Variants in KCNQ5 observed in about 807,000 individuals in gnomAD.
KCNQ5 encodes potassium voltage-gated channel subfamily Q member 5.
Under a neutral mutation model 98.2 loss-of-function variants are expected in KCNQ5, and 30 were observed. That is an observed-to-expected ratio of 0.31 (90% CI 0.23 to 0.41). The LOEUF (loss-of-function observed/expected upper bound fraction) is 0.41. Among genes scored for constraint, KCNQ5 ranks in the 10% least tolerant of loss-of-function variants. The probability of loss-of-function intolerance (pLI) is 1.00; values close to 1 mark genes in which losing one functional copy is unlikely to be tolerated. For missense variants in KCNQ5, 835 were observed against 1,182.5 expected, an observed-to-expected ratio of 0.71 and a Z score of 4.31; for synonymous variants, 458 against 449.4, an observed-to-expected ratio of 1.02 and a Z score of -0.24.
intron 1 of KCNQ5, among the ~76,000 whole-genome samples, chr6:72,681,635 G>A (rs763525170): frequency 6.6e-6 from 1 of 152,180 alleles, no homozygotes; most frequent in Non-Finnish European, 1.5e-5. Context: ...GCCTCTGCAT[G>A]CATGCCCTAA....
At chr6:72,734,580 CT>C (rs1770729418) in intron 1 of KCNQ5, among the ~76,000 whole-genome samples, 1 of 152,056 alleles carries the variant, frequency 6.6e-6, no homozygotes, top group East Asian at 1.9e-4. Flanking sequence ...ATGTTTGAGA[CT>C]TTTATTTGTG....
chr6:73,025,333 A>G (rs555061293), intron 2 of KCNQ5, among the ~76,000 whole-genome samples: 1 of 152,254 alleles, frequency 6.6e-6, no homozygotes, highest in East Asian at 1.9e-4. Context: ...ATAAATAAAA[A>G]CACTTCAGCC....
intron 1 of KCNQ5, among the ~76,000 whole-genome samples, chr6:72,709,568 A>G (rs527771989): frequency 6.6e-6 from 1 of 152,342 alleles, no homozygotes; most frequent in South Asian, 2.1e-4. Flanking sequence ...AGAAATGGCT[A>G]CAACTTCTCT....
At chr6:72,783,583 T>G (rs1460534739) in intron 1 of KCNQ5, among the ~76,000 whole-genome samples, 1 of 152,160 alleles carries the variant, frequency 6.6e-6, no homozygotes, top group Non-Finnish European at 1.5e-5. Context: ...GAGAGGCTTA[T>G]TTCACCCAAA....
At chr6:72,878,114 C>T (rs1044462138) in intron 1 of KCNQ5, among the ~76,000 whole-genome samples, 1 of 152,160 alleles carries the variant, frequency 6.6e-6, no homozygotes, top group South Asian at 2.1e-4. Context: ...CTACTAAATA[C>T]AAAAAATTAG....
At chr6:72,816,317 G>A (rs570020887) in intron 1 of KCNQ5, among the ~76,000 whole-genome samples, 81 of 152,312 alleles carry the variant, frequency 5.3e-4, no homozygotes, top group African/African-American at 1.8e-3. Flanking sequence ...GCAAGTAGAA[G>A]CAATGAGCAT....
At chr6:73,190,946 C>T (rs1278333427) in intron 12 of KCNQ5, among the ~76,000 whole-genome samples, 2 of 152,088 alleles carry the variant, frequency 1.3e-5, no homozygotes, top group South Asian at 2.1e-4. Context: ...TTAGTTCTTG[C>T]CTTATAGGGT....
At chr6:72,810,126 C>G (rs897694544) in intron 1 of KCNQ5, among the ~76,000 whole-genome samples, 2 of 152,184 alleles carry the variant, frequency 1.3e-5, no homozygotes, top group Non-Finnish European at 2.9e-5. Context: ...GTTACATCAG[C>G]GCCCAGAGAA....
intron 5 of KCNQ5, among the ~76,000 whole-genome samples, chr6:73,091,357 G>T (rs939875174): frequency 6.6e-6 from 1 of 152,084 alleles, no homozygotes; most frequent in African/African-American, 2.4e-5. Context: ...AGCATTAGGA[G>T]AAATACCTAA....
In KCNQ5 at chr6:73,195,105, G is replaced by A; in HGVS notation, c.2490G>A (p.Leu830=). The A allele has an allele frequency of 2.5e-6, 4 of 1,614,216 alleles. No individual in the cohort carries two copies. Among genetic ancestry groups the A allele is most frequent in the Non-Finnish European group, 2.5e-6 (3 of 1,180,042 alleles). Residue 830 remains leucine, a synonymous_variant, in exon 14 of 14, where the codon TTG becomes TTA. Transcript: ENST00000370398. ...TGCCGAAGGACTTGGGCAAATCTTT[G>A]TCTGTGCAAAACCTGATCAGGTCGA... is the stretch of plus-strand genomic sequence containing the variant. ...PMVPKDLGKS[L]SVQNLIRSTE... is the part of the protein sequence containing the mutation.
At chr6:72,629,015 A>G (rs933935744) in intron 1 of KCNQ5, among the ~76,000 whole-genome samples, 4 of 152,140 alleles carry the variant, frequency 2.6e-5, no homozygotes, top group African/African-American at 9.7e-5. Context: ...AATTCTTTAA[A>G]GGCAGGGGTT....
chr6:73,111,980 C>T (rs1349033864), intron 7 of KCNQ5, among the ~76,000 whole-genome samples: 1 of 152,136 alleles, frequency 6.6e-6, no homozygotes, highest in African/African-American at 2.4e-5. Flanking sequence ...TAATTTGAAG[C>T]TAGCTCCTAA....
rs767161378 is a variant in KCNQ5, at chr6:72,899,817, C to G, written c.399-104091C>G. ...CTCACCCCCTTCCCACCCTTCACCC[C>G]AAGTCCCCAAAGTCCACTGTATCAT... On this transcript the variant is annotated intron_variant, in intron 1 of 13. Coordinates refer to ENST00000370398, the MANE Select transcript of KCNQ5 (RefSeq NM_019842.4). Among the ~76,000 whole-genome samples, 3 of 151,852 alleles carry G rather than the reference C, an allele frequency of 2.0e-5. No individual in the cohort carries two copies. In the South Asian group the frequency reaches 6.2e-4, roughly 32 times the overall value.
intron 11 of KCNQ5, among the ~76,000 whole-genome samples, chr6:73,175,750 G>A (rs1778188324): frequency 6.6e-6 from 1 of 152,212 alleles, no homozygotes; most frequent in Non-Finnish European, 1.5e-5. Flanking sequence ...ATGGATCCCT[G>A]CTTAGAGTTG....
At chr6:73,064,399 C>A (rs1562156861) in intron 3 of KCNQ5, among the ~76,000 whole-genome samples, 1 of 152,108 alleles carries the variant, frequency 6.6e-6, no homozygotes, top group African/African-American at 2.4e-5. Flanking sequence ...CATTGTTTGG[C>A]TGTTGATGTT....
At chr6:73,083,958 G>A (rs965754832) in intron 5 of KCNQ5, among the ~76,000 whole-genome samples, 19 of 152,188 alleles carry the variant, frequency 1.2e-4, no homozygotes, top group African/African-American at 4.6e-4. Flanking sequence ...GACTCAGGAA[G>A]TATCAAAAAT....
At chr6:73,149,741 G>A (rs1582447208) in intron 10 of KCNQ5, among the ~76,000 whole-genome samples, 1 of 151,194 alleles carries the variant, frequency 6.6e-6, no homozygotes, top group Non-Finnish European at 1.5e-5. Flanking sequence ...AGGCTGCAGT[G>A]AGCCGAGATT....
intron 3 of KCNQ5, among the ~76,000 whole-genome samples, chr6:73,062,720 T>C (rs886422927): frequency 6.6e-6 from 1 of 152,208 alleles, no homozygotes; most frequent in Non-Finnish European, 1.5e-5. Context: ...CATGGGAACA[T>C]GATTATATTT....
intron 1 of KCNQ5, among the ~76,000 whole-genome samples, chr6:72,790,035 G>A (rs892318179): frequency 6.6e-6 from 1 of 152,174 alleles, no homozygotes; most frequent in Non-Finnish European, 1.5e-5. Context: ...ATTAGAACTA[G>A]ACGCCACTTG....
Sources: gnomAD v4.1 joint callset for allele counts (sites outside exome capture counted in the v4.1 genomes callset) on GRCh38, gnomAD v4.1.1 for gene constraint, MANE v1.5 for transcripts, NCBI Gene and HGNC (gene_info 2026-07-23, HGNC 2026-07-21) for gene names.